PHKA1: variants seen among roughly 807,000 people sequenced by gnomAD.
The protein encoded by PHKA1 is phosphorylase kinase regulatory subunit alpha 1.
A neutral mutation model predicts 110.2 loss-of-function variants in PHKA1; 60 were observed. The ratio of observed to expected loss-of-function variants is 0.54; its 90% confidence interval spans 0.44 to 0.68. The LOEUF is 0.68. PHKA1 is among the 30% of genes least tolerant of loss of function. The pLI, the probability that PHKA1 is intolerant of heterozygous loss-of-function variation, is 0.00. For missense variants in PHKA1, 801 were observed against 942.5 expected (o/e 0.85, Z 1.97); for synonymous variants, 316 against 333.6 (o/e 0.95, Z 0.58).
Position 72,679,589 on chromosome X carries a change from T to C in PHKA1, c.538-3439A>G, listed in dbSNP as rs782340756. ...ACATTCAGAAAGCTTAGTAGATACA[T>C]GGAATATAGAAAAATAGACTCAAAT... On this transcript the variant is annotated intron_variant, in intron 5 of 31. Transcript: ENST00000373542. 5.1e-4 allele frequency among the ~76,000 whole-genome samples: 57 copies of C among 110,990 alleles called. 1 individual carries two copies. Among genetic ancestry groups the C allele is most frequent in the Non-Finnish European group, 8.8e-4 (47 of 53,108 alleles).
In PHKA1 at chrX:72,704,396, T is replaced by C. The variant is rs781948362; in HGVS notation, c.285+802A>G. Among the ~76,000 whole-genome samples the C allele has an allele frequency of 3.6e-5, 4 of 111,746 alleles. No individual in the cohort carries two copies. In the Admixed American group the frequency reaches 3.8e-4, roughly 11 times the overall value. On this transcript the variant is annotated intron_variant, in intron 3 of 31. Transcript: ENST00000373542. Reference sequence around the variant, plus strand: ...ACAGAGATATTAATGTTTCTGATTATAGAGTGCTGTTCTAGACCCGCAGAA... The same window carrying C: ...ACAGAGATATTAATGTTTCTGATTACAGAGTGCTGTTCTAGACCCGCAGAA...
At chrX:72,696,980 G>A (rs1456146523) in intron 3 of PHKA1, among the ~76,000 whole-genome samples, 2 of 111,534 alleles carry the variant, frequency 1.8e-5, no homozygotes, top group Admixed American at 9.5e-5. Flanking sequence ...ATTTGGTTGA[G>A]ATCTAAAGCT....
intron 14 of PHKA1, among the ~76,000 whole-genome samples, chrX:72,638,270 C>T (rs1203899675): frequency 9.4e-6 from 1 of 106,497 alleles, no homozygotes; most frequent in Non-Finnish European, 1.9e-5. Context: ...CAATGATGGC[C>T]GACTGTGATG....
chrX:72,659,759 G>C (rs781995401), intron 8 of PHKA1, among the ~76,000 whole-genome samples: 13 of 112,480 alleles, frequency 1.2e-4, no homozygotes, highest in Non-Finnish European at 1.3e-4. Flanking sequence ...TTATCAACTA[G>C]AGCAGGGGTT....
chrX:72,686,260 C>T (rs1407891392), intron 4 of PHKA1, among the ~76,000 whole-genome samples: 1 of 111,847 alleles, frequency 8.9e-6, no homozygotes, highest in East Asian at 2.8e-4. Context: ...GAAGGATAAC[C>T]AGTGAGTCTT....
intron 6 of PHKA1, among the ~76,000 whole-genome samples, chrX:72,670,808 C>G (rs868963721): frequency 8.9e-6 from 1 of 111,909 alleles, no homozygotes; most frequent in African/African-American, 3.3e-5. Flanking sequence ...CGCAATCCAG[C>G]ATATAAACAG....
intron 8 of PHKA1, among the ~76,000 whole-genome samples, chrX:72,664,749 A>T (rs1168800121): frequency 8.9e-6 from 1 of 112,049 alleles, no homozygotes; most frequent in African/African-American, 3.2e-5. Context: ...AAAACTAGAA[A>T]TCAATAACAA....
intron 5 of PHKA1, among the ~76,000 whole-genome samples, chrX:72,681,836 G>A (rs1603270550): frequency 3.9e-5 from 1 of 25,332 alleles, no homozygotes; most frequent in Non-Finnish European, 5.8e-5. Flanking sequence ...CGCCCCGTCC[G>A]GGAGGGAGGT....
In PHKA1 at chrX:72,713,807, T is replaced by C. The variant is rs1351588274; in HGVS notation, c.74A>G (p.His25Arg). ...GAGAGACACCCCTGCAGTTACCTGA[T>C]GGCACAGGATGGTCTGTTGCACCAG... is the stretch of plus-strand genomic sequence containing the variant. ...ARLVQQTILC[H>R]QNPVTGLLPA... is the part of the protein sequence containing the mutation. The change falls in exon 1 of 32, where the codon CAT (histidine) becomes CGT (arginine). Residue 25 changes from histidine (H) to arginine (R), a missense_variant. Coordinates refer to ENST00000373542, the MANE Select transcript of PHKA1 (RefSeq NM_002637.4). The C allele has an allele frequency of 3.3e-6, 4 of 1,198,978 alleles. No individual in the cohort carries two copies. The highest frequency in any genetic ancestry group is 4.5e-6 in the Non-Finnish European group (4 of 883,718).
At chrX:72,582,704 T>C (rs2052355725) in intron 30 of PHKA1, 106 bp from the exon 31 acceptor site, 1 of 555,165 alleles carries the variant, frequency 1.8e-6, no homozygotes, top group Non-Finnish European at 3.1e-6. Context: ...GAGCATTGAT[T>C]CAGCCCCCTT....
intron 6 of PHKA1, among the ~76,000 whole-genome samples, chrX:72,668,838 C>T (rs375008961): frequency 5.4e-5 from 6 of 111,610 alleles, no homozygotes; most frequent in African/African-American, 2.0e-4. Context: ...ACTCAAAAGT[C>T]CAAAATCTCA....
At chrX:72,607,834 GCT>G (rs2052752852) in intron 23 of PHKA1, among the ~76,000 whole-genome samples, 1 of 110,972 alleles carries the variant, frequency 9.0e-6, no homozygotes. Flanking sequence ...CATCTTCAAG[GCT>G]CTCATCTCCT....
chrX:72,699,464 G>A (rs1057024748), intron 3 of PHKA1, among the ~76,000 whole-genome samples: 9 of 91,439 alleles, frequency 9.8e-5, no homozygotes, highest in Non-Finnish European at 1.9e-4. Context: ...AGCCGAGATC[G>A]CGCCACTGCA....
chrX:72,621,951 A>G, intron 18 of PHKA1: 1 of 741,151 alleles, frequency 1.3e-6, no homozygotes, highest in East Asian at 1.5e-4. Flanking sequence ...TATATATTTT[A>G]GTAATCCAAT....
intron 12 of PHKA1, among the ~76,000 whole-genome samples, chrX:72,650,810 C>T (rs2147757745): frequency 8.9e-6 from 1 of 111,820 alleles, no homozygotes; most frequent in African/African-American, 3.3e-5. Context: ...CAGCTTCAAC[C>T]TCCTGGGCTC....
intron 3 of PHKA1, 80 bp from the exon 4 acceptor site, chrX:72,695,956 A>C: frequency 1.3e-6 from 1 of 781,212 alleles, no homozygotes; most frequent in Non-Finnish European, 2.0e-6. Context: ...ACTCTAACAT[A>C]CATTATTGCA....
chrX:72,666,447 A>C, intron 7 of PHKA1, 150 bp from the exon 8 acceptor site: 2 of 486,733 alleles, frequency 4.1e-6, no homozygotes, highest in South Asian at 7.0e-5. Flanking sequence ...GTTAGTAAAT[A>C]CCTTAGCATT....
intron 6 of PHKA1, among the ~76,000 whole-genome samples, chrX:72,672,270 G>C (rs1278087731): frequency 8.9e-6 from 1 of 111,910 alleles, no homozygotes; most frequent in Non-Finnish European, 1.9e-5. Flanking sequence ...TGCCCTCCTA[G>C]GCCTTTGGAC....
At chrX:72,636,247 T>C (rs2053228461) in intron 15 of PHKA1, 30 bp downstream of exon 15, 2 of 854,821 alleles carry the variant, frequency 2.3e-6, no homozygotes, top group Non-Finnish European at 3.5e-6. Context: ...TCCATTCATC[T>C]CAATGCACAT....
Sources: gnomAD v4.1 joint callset for allele counts (sites outside exome capture counted in the v4.1 genomes callset) on GRCh38, gnomAD v4.1.1 for gene constraint, MANE v1.5 for transcripts, NCBI Gene and HGNC (gene_info 2026-07-23, HGNC 2026-07-21) for gene names.